Variants in USP25 observed in about 807,000 individuals in gnomAD.
USP25 encodes ubiquitin specific peptidase 25.
In USP25, 85 loss-of-function variants were observed where a neutral mutation model predicts 158.5. That is an observed-to-expected ratio of 0.54 (90% CI 0.45 to 0.64). USP25 has a LOEUF of 0.64. Among genes scored for constraint, USP25 ranks in the 30% least tolerant of loss-of-function variants. The pLI, the probability that USP25 is intolerant of heterozygous loss-of-function variation, is 0.00. For synonymous variants in USP25, 464 were observed against 460.4 expected, an observed-to-expected ratio of 1.01 and a Z score of -0.10; for missense variants, 1,242 against 1,327.3, an observed-to-expected ratio of 0.94 and a Z score of 1.00.
At chr21:15,817,119 G>A (rs1174288323) in intron 9 of USP25, among the ~76,000 whole-genome samples, 2 of 151,094 alleles carry the variant, frequency 1.3e-5, no homozygotes, top group Non-Finnish European at 2.9e-5. Context: ...GTGACAGAGC[G>A]AGACTCTGTC....
rs1317601738 is a variant in USP25, at chr21:15,849,804, A to T, written c.2479A>T (p.Ile827Phe). 2 of 1,543,872 alleles carry T rather than the reference A, an allele frequency of 1.3e-6. No individual in the cohort carries two copies. The highest frequency in any genetic ancestry group is 1.7e-6 in the Non-Finnish European group (2 of 1,144,072). Residue 827 changes from isoleucine to phenylalanine, a missense_variant, in exon 20 of 26, where the codon ATT becomes TTT. This residue lies in a region of USP25 where 608 missense variants were observed against 605.2 expected (regional missense o/e 1.00). Coordinates refer to ENST00000400183, the MANE Select transcript of USP25 (RefSeq NM_001283041.3). ...CATGATGACACCGAACATGCAAGGT[A>T]TTATCATGGCGATAGGTAAATCCAG... Reference protein sequence around the residue: ...EIMMTPNMQGIIMAIGKSRSV... With the variant: ...EIMMTPNMQGFIMAIGKSRSV...
chr21:15,853,688 G>C (rs1171506207), intron 20 of USP25, among the ~76,000 whole-genome samples: 3 of 151,942 alleles, frequency 2.0e-5, no homozygotes, highest in Non-Finnish European at 2.9e-5. Flanking sequence ...TGGGCTTTCT[G>C]CGTTCTGTAT....
At chr21:15,733,417 A>G (rs1381020487) in intron 1 of USP25, among the ~76,000 whole-genome samples, 1 of 152,072 alleles carries the variant, frequency 6.6e-6, no homozygotes, top group Non-Finnish European at 1.5e-5. Flanking sequence ...TCCTAACTGA[A>G]TCTTGGAATT....
chr21:15,776,046 A>G (rs1316203279), intron 3 of USP25, among the ~76,000 whole-genome samples: 5 of 152,026 alleles, frequency 3.3e-5, no homozygotes. Flanking sequence ...AGCCATTTTA[A>G]TAACCAAGAT....
intron 1 of USP25, among the ~76,000 whole-genome samples, chr21:15,731,001 T>TTTTTA (rs2030816987): frequency 8.6e-6 from 1 of 115,976 alleles, no homozygotes; most frequent in Admixed American, 9.5e-5. Context: ...TTTTTTTTTT[T>TTTTTA]CAATATAGAA....
At chr21:15,869,729 T>C (rs981896703) in intron 22 of USP25, among the ~76,000 whole-genome samples, 1 of 152,206 alleles carries the variant, frequency 6.6e-6, no homozygotes, top group Non-Finnish European at 1.5e-5. Flanking sequence ...TTGATGTAGA[T>C]ATAATAATAG....
intron 20 of USP25, among the ~76,000 whole-genome samples, chr21:15,859,992 T>TATATATATATATA (rs1491579050): frequency 2.4e-5 from 2 of 84,836 alleles, no homozygotes; most frequent in African/African-American, 1.6e-4. Context: ...TATATCTATA[T>TATATATATATATA]TTTTTTTTTT....
chr21:15,836,714 C>T (rs2038080748), intron 17 of USP25, among the ~76,000 whole-genome samples: 1 of 138,814 alleles, frequency 7.2e-6, no homozygotes, highest in African/African-American at 2.7e-5. Flanking sequence ...TACCTGAATA[C>T]TGTTGTTGAG....
intron 24 of USP25, among the ~76,000 whole-genome samples, chr21:15,874,815 T>A (rs2040036045): frequency 6.6e-6 from 1 of 152,182 alleles, no homozygotes; most frequent in Non-Finnish European, 1.5e-5. Flanking sequence ...CACTCCTTTT[T>A]TTGGTGGGAG....
chr21:15,872,652 T>A (rs1187178889), intron 23 of USP25, among the ~76,000 whole-genome samples: 1 of 152,226 alleles, frequency 6.6e-6, no homozygotes, highest in Non-Finnish European at 1.5e-5. Context: ...AATAAAATGT[T>A]ATACTTAATC....
rs182329725 is a variant in USP25 at position 15,875,575 on chromosome 21, C to G, written c.3009+1049C>G. Among the ~76,000 whole-genome samples, 1 of 152,278 alleles carries G rather than the reference C, an allele frequency of 6.6e-6. No homozygotes were observed. The highest frequency in any genetic ancestry group is 3.4e-3 in the Middle Eastern group (1 of 294). On this transcript the variant is annotated intron_variant, in intron 24 of 25. Coordinates refer to ENST00000400183, the MANE Select transcript of USP25 (RefSeq NM_001283041.3). This position sits in a 1 kb window ranked among gnomAD's most constrained non-coding sequence, Gnocchi z 4.7. ...AATAAGTGCCATTATGAGAAATATG[C>G]ACAATGATATGCCTGAAATATTTGG...
chr21:15,758,388 G>T (rs150457324), intron 1 of USP25, among the ~76,000 whole-genome samples: 1 of 152,078 alleles, frequency 6.6e-6, no homozygotes, highest in African/African-American at 2.4e-5. Flanking sequence ...ATTGAATCAT[G>T]GGGGCAGTTT....
At chr21:15,775,747 C>T (rs1026410065) in intron 3 of USP25, among the ~76,000 whole-genome samples, 2 of 63,686 alleles carry the variant, frequency 3.1e-5, no homozygotes, top group Non-Finnish European at 7.6e-5. Context: ...CCACCCCCCC[C>T]CCCCCCCGCC....
At chr21:15,857,044 T>C (rs1227571918) in intron 20 of USP25, among the ~76,000 whole-genome samples, 1 of 152,228 alleles carries the variant, frequency 6.6e-6, no homozygotes, top group African/African-American at 2.4e-5. Flanking sequence ...TGTCTCCTAC[T>C]AGCTGTTACC....
rs530199961 is a variant in USP25 at position 15,831,348 on chromosome 21, G to C, written c.1765-53G>C. 69 of 1,508,918 alleles carry C rather than the reference G, an allele frequency of 4.6e-5. No homozygotes were observed. In the East Asian group the frequency reaches 1.5e-3, roughly 34 times the overall value. The allele number at this position is 1,508,918 out of a possible 1,614,324, so 93.5% of individuals were successfully genotyped here. Reference sequence around the variant, plus strand: ...TTGTTTGTGGGTTTCATGGAATGTGGTATATAGTAAACTACATAATTGCAG... The same window carrying C: ...TTGTTTGTGGGTTTCATGGAATGTGCTATATAGTAAACTACATAATTGCAG... On this transcript the variant is annotated intron_variant, in intron 15 of 25. Transcript: ENST00000400183.
intron 4 of USP25, among the ~76,000 whole-genome samples, chr21:15,789,290 C>T (rs2035462752): frequency 6.6e-6 from 1 of 151,978 alleles, no homozygotes; most frequent in African/African-American, 2.4e-5. Context: ...AAAGACCTTC[C>T]TGGGGTTTAG....
intron 10 of USP25, among the ~76,000 whole-genome samples, chr21:15,820,124 T>G (rs555929937): frequency 2.6e-5 from 4 of 152,172 alleles, no homozygotes; most frequent in South Asian, 4.1e-4. Flanking sequence ...AACAGATCTC[T>G]TAAGAGTGGG....
chr21:15,854,582 G>A (rs1228866745), intron 20 of USP25, among the ~76,000 whole-genome samples: 1 of 152,048 alleles, frequency 6.6e-6, no homozygotes, highest in Non-Finnish European at 1.5e-5. Flanking sequence ...TCTGAATATG[G>A]ATTTCCTTAT....
chr21:15,873,558 G>T (rs1368014468), intron 23 of USP25, among the ~76,000 whole-genome samples: 1 of 151,644 alleles, frequency 6.6e-6, no homozygotes, highest in Non-Finnish European at 1.5e-5. Context: ...CTGGAGTGCA[G>T]TGGCGTGATC....
Sources: gnomAD v4.1 joint callset for allele counts (sites outside exome capture counted in the v4.1 genomes callset) on GRCh38, gnomAD v4.1.1 for gene constraint, gnomAD v4.1.1 regional missense constraint, Gnocchi (gnomAD v3.1) non-coding constraint, MANE v1.5 for transcripts, NCBI Gene and HGNC (gene_info 2026-07-23, HGNC 2026-07-21) for gene names.